Variants in LRRC49 observed in about 807,000 individuals in gnomAD.
The protein encoded by LRRC49 is leucine-rich repeat-containing protein 49.
In LRRC49, 50 loss-of-function variants were observed where a neutral mutation model predicts 83.3. That is an observed-to-expected ratio of 0.60 (90% confidence interval 0.48 to 0.76). The LOEUF (loss-of-function observed/expected upper bound fraction) is 0.76. LRRC49 is among the 30% of genes least tolerant of loss of function. The probability of loss-of-function intolerance (pLI) is 0.00; values close to 1 mark genes in which losing one functional copy is unlikely to be tolerated. For missense variants in LRRC49, 704 were observed against 809.1 expected (o/e 0.87, Z 1.58); for synonymous variants, 286 against 283.3 (o/e 1.01, Z -0.10).
chr15:70,937,403 C>T (rs1030373467), intron 8 of LRRC49, among the ~76,000 whole-genome samples: 2 of 152,114 alleles, frequency 1.3e-5, no homozygotes, highest in African/African-American at 2.4e-5. Flanking sequence ...GGAGCTGAGA[C>T]GTACAGTAAG....
intron 13 of LRRC49, among the ~76,000 whole-genome samples, chr15:71,011,916 G>T (rs1054268478): frequency 6.6e-6 from 1 of 152,152 alleles, no homozygotes; most frequent in East Asian, 1.9e-4. Context: ...ATTATACCAG[G>T]GTTTCTAAAC....
At chr15:71,014,660 T>C (rs2038768162) in intron 14 of LRRC49, among the ~76,000 whole-genome samples, 1 of 152,098 alleles carries the variant, frequency 6.6e-6, no homozygotes, top group African/African-American at 2.4e-5. Flanking sequence ...TTAATAATGA[T>C]AGACTTGATG....
At chr15:70,890,637 G>C (rs1249814528), upstream of LRRC49, among the ~76,000 whole-genome samples, 2 of 152,126 alleles carry the variant, frequency 1.3e-5, no homozygotes, top group Non-Finnish European at 2.9e-5. Flanking sequence ...GAATCACATG[G>C]AGTACACGAA....
chr15:70,901,154 AT>A, intron 4 of LRRC49, 130 bp downstream of exon 4: 1 of 566,542 alleles, frequency 1.8e-6, no homozygotes, highest in Non-Finnish European at 3.0e-6. Flanking sequence ...TTTAGATATA[AT>A]TTTTTTAACC....
At position 71,008,605 on chromosome 15, in the gene LRRC49, C is replaced by G; in HGVS notation, c.1396C>G (p.Pro466Ala). 6.2e-7 allele frequency: 1 copy of G among 1,605,194 alleles called. No individual in the cohort carries two copies. Among genetic ancestry groups the G allele is most frequent in the Non-Finnish European group, 8.5e-7 (1 of 1,172,698 alleles). The change falls in exon 12 of 16, where the codon CCT becomes GCT. Residue 466 changes from proline to alanine, a missense_variant. Transcript: ENST00000260382. ...QVLPKLKIKF[P>A]NSLHLKFKET... ...GCTTCCTAAACTGAAGATTAAGTTT[C>G]CTAATTCTCTGGTAAATATTTCCTT...
chr15:71,002,573 G>A (rs898256065), intron 11 of LRRC49, among the ~76,000 whole-genome samples: 1 of 151,752 alleles, frequency 6.6e-6, no homozygotes, highest in African/African-American at 2.4e-5. Flanking sequence ...GTCATTTCCT[G>A]TCTATGAACA....
intron 7 of LRRC49, among the ~76,000 whole-genome samples, chr15:70,928,716 C>CT (rs2035301541): frequency 6.6e-6 from 1 of 152,136 alleles, no homozygotes; most frequent in Non-Finnish European, 1.5e-5. Flanking sequence ...CAGATGTGCA[C>CT]TACCATGCCT....
chr15:70,884,534 A>G (rs1225574361), intron 2 of LRRC49, among the ~76,000 whole-genome samples: 4 of 151,842 alleles, frequency 2.6e-5, no homozygotes, highest in Non-Finnish European at 5.9e-5. Flanking sequence ...ACACACATAT[A>G]TACACACAGA....
intron 11 of LRRC49, among the ~76,000 whole-genome samples, chr15:71,000,894 A>C (rs1199426744): frequency 1.4e-5 from 2 of 144,182 alleles, no homozygotes; most frequent in Non-Finnish European, 3.1e-5. Context: ...CTGTCCTCTC[A>C]ACCTCTCGAT....
At chr15:70,900,439 C>T (rs764620241) in intron 3 of LRRC49, 1 of 456,210 alleles carries the variant, frequency 2.2e-6, no homozygotes, top group South Asian at 1.6e-5. Flanking sequence ...TGCATCTCAT[C>T]CACAACAAAT....
At chr15:70,882,740 C>G (rs200649526) in intron 2 of LRRC49, 2 of 1,613,546 alleles carry the variant, frequency 1.2e-6, no homozygotes, top group Admixed American at 3.3e-5. Context: ...TTGCTTAATC[C>G]ATTGAAGAGT....
intron 13 of LRRC49, 38 bp from the exon 14 acceptor site, chr15:71,012,766 G>T (rs777703468): frequency 9.1e-7 from 1 of 1,096,240 alleles, no homozygotes; most frequent in South Asian, 1.3e-5. Context: ...CTAAGAGTTG[G>T]TGTCATTTTT....
At chr15:70,932,259 A>C (rs2035435143) in intron 7 of LRRC49, among the ~76,000 whole-genome samples, 1 of 152,238 alleles carries the variant, frequency 6.6e-6, no homozygotes, top group African/African-American at 2.4e-5. Flanking sequence ...ATATATGATT[A>C]GAGTTTTAAT....
chr15:71,013,422 A>C (rs1881692717), intron 14 of LRRC49, among the ~76,000 whole-genome samples: 1 of 152,254 alleles, frequency 6.6e-6, no homozygotes, highest in African/African-American at 2.4e-5. Flanking sequence ...CATGCCAAGC[A>C]AAAATGAAAA....
intron 10 of LRRC49, among the ~76,000 whole-genome samples, chr15:70,981,506 AAG>A (rs1409302051): frequency 2.0e-5 from 3 of 152,146 alleles, no homozygotes; most frequent in African/African-American, 7.2e-5. Flanking sequence ...TAAAAAAAAA[AAG>A]AATGCTAAAA....
chr15:70,957,401 A>G (rs2036440717), intron 8 of LRRC49, among the ~76,000 whole-genome samples: 1 of 152,214 alleles, frequency 6.6e-6, no homozygotes, highest in Non-Finnish European at 1.5e-5. Context: ...TTAGTAATAT[A>G]TAGGGTCATA....
rs752356867 is a variant in LRRC49 at position 70,892,942 on chromosome 15, C to T, written c.48C>T (p.Asn16=). The change falls in exon 1 of 16, where the codon AAC becomes AAT. Residue 16 remains asparagine, a splice_region_variant and synonymous_variant. Coordinates refer to ENST00000260382, the MANE Select transcript of LRRC49 (RefSeq NM_017691.5). ...CTGTTTCTGGCCGGGCTGCGAACAA[C>T]GTAAGTTGGGCCTTCTACTTTCTCT... The part of the protein sequence containing the change: ...YRSVSGRAAN[N]VNCGLHLVIQ... The T allele has an allele frequency of 1.9e-6, 3 of 1,614,054 alleles. No homozygotes were observed. Among genetic ancestry groups the T allele is most frequent in the African/African-American group, 2.7e-5 (2 of 74,918 alleles).
At chr15:70,930,123 G>A (rs2035352764) in intron 7 of LRRC49, among the ~76,000 whole-genome samples, 1 of 152,072 alleles carries the variant, frequency 6.6e-6, no homozygotes, top group African/African-American at 2.4e-5. Flanking sequence ...ATCCAGTAGA[G>A]GAATCACTAT....
chr15:70,976,737 A>G (rs965164373), intron 9 of LRRC49, among the ~76,000 whole-genome samples: 3 of 152,088 alleles, frequency 2.0e-5, no homozygotes, highest in African/African-American at 4.8e-5. Context: ...TTGCTATGTA[A>G]AGGATATGGC....
Sources: allele counts gnomAD v4.1 joint callset (sites outside exome capture counted in the v4.1 genomes callset), GRCh38; gene constraint gnomAD v4.1.1; transcripts MANE v1.5; gene names NCBI Gene and HGNC (gene_info 2026-07-23, HGNC 2026-07-21).